The following ANKMY1 variants were observed in gnomAD, a reference collection of about 807,000 sequenced individuals.
ANKMY1 encodes the protein ankyrin repeat and MYND domain containing 1.
Under a neutral mutation model 102.0 loss-of-function variants are expected in ANKMY1, and 98 were observed. That is an observed-to-expected ratio of 0.96 (90% CI 0.82 to 1.14). The LOEUF is 1.14. Ranked by LOEUF, ANKMY1 falls within the 50% of genes most tolerant of loss-of-function variation. ANKMY1 has a pLI of 0.00. For missense variants in ANKMY1, 1,330 were observed against 1,347.6 expected, an observed-to-expected ratio of 0.99 and a Z score of 0.20; for synonymous variants, 582 against 559.9, an observed-to-expected ratio of 1.04 and a Z score of -0.56.
chr2:240,469,062 C>G, the ANKMY1 span, among the ~76,000 whole-genome samples: 13 of 152,178 alleles, frequency 8.5e-5, no homozygotes, highest in East Asian at 2.3e-3. Context: ...AGCGGGGCCC[C>G]TAGGGGACAG....
intron 4 of ANKMY1, among the ~76,000 whole-genome samples, chr2:240,546,673 A>G (rs1170731012): frequency 6.6e-6 from 1 of 152,200 alleles, no homozygotes; most frequent in African/African-American, 2.4e-5. Context: ...AAGATCTACC[A>G]AGCAAATGGA....
At chr2:240,539,406 C>T (rs142115000) in intron 4 of ANKMY1, among the ~76,000 whole-genome samples, 10 of 152,242 alleles carry the variant, frequency 6.6e-5, no homozygotes, top group Admixed American at 2.0e-4. Flanking sequence ...CTGAAGCCAG[C>T]GAGACCATGA....
chr2:240,514,566 G>A (rs994772939), intron 9 of ANKMY1, among the ~76,000 whole-genome samples: 1 of 152,210 alleles, frequency 6.6e-6, no homozygotes, highest in Admixed American at 6.5e-5. Context: ...ATTCAATCAA[G>A]AGGGTAACAT....
chr2:240,536,741 T>C (rs1304013672), intron 4 of ANKMY1, among the ~76,000 whole-genome samples: 1 of 152,238 alleles, frequency 6.6e-6, no homozygotes, highest in Non-Finnish European at 1.5e-5. Context: ...ACAAGAAGTC[T>C]TATAGAGGTG....
intron 9 of ANKMY1, among the ~76,000 whole-genome samples, chr2:240,513,974 T>G (rs1343395940): frequency 6.6e-6 from 1 of 152,126 alleles, no homozygotes; most frequent in African/African-American, 2.4e-5. Context: ...AGCAGGCAAG[T>G]GGAGAATGGG....
At chr2:240,479,354 G>A, downstream of ANKMY1, 1 of 558,498 alleles carries the variant, frequency 1.8e-6, no homozygotes. Context: ...CAAAGCCAGG[G>A]GCAGAGGCAG....
At chr2:240,503,732 C>A (rs2078604396) in intron 13 of ANKMY1, among the ~76,000 whole-genome samples, 1 of 152,294 alleles carries the variant, frequency 6.6e-6, no homozygotes, top group East Asian at 1.9e-4. Flanking sequence ...GTGGTGGGTT[C>A]ACCTGGGTCC....
intron 15 of ANKMY1, among the ~76,000 whole-genome samples, chr2:240,492,694 T>A (rs539704551): frequency 6.6e-6 from 1 of 152,034 alleles, no homozygotes; most frequent in African/African-American, 2.4e-5. Flanking sequence ...TTATTTTGAA[T>A]TTTTTTTTAA....
rs1337358015 is a variant in ANKMY1, at chr2:240,500,052, C to T, written c.2712G>A (p.Lys904=). The T allele has an allele frequency of 6.2e-7, 1 of 1,612,784 alleles. No homozygotes were observed. Among genetic ancestry groups the T allele is most frequent in the African/African-American group, 1.3e-5 (1 of 74,914 alleles). ...PAERETFLAR[K]RLLEYMGLQL... Reference sequence around the variant, plus strand: ...GCAAGCCCATGTACTCCAGGAGCCGCTTCCGCGCCAGGAACGTCTCGCGCT... The same window carrying T: ...GCAAGCCCATGTACTCCAGGAGCCGTTTCCGCGCCAGGAACGTCTCGCGCT... The change falls in exon 15 of 18, where the codon AAG becomes AAA. Residue 904 remains lysine, a synonymous_variant. Coordinates refer to ENST00000401804, the MANE Select transcript of ANKMY1 (RefSeq NM_001282771.3).
chr2:240,488,766 A>G (rs2076327820), intron 15 of ANKMY1, among the ~76,000 whole-genome samples: 1 of 152,184 alleles, frequency 6.6e-6, no homozygotes, highest in Non-Finnish European at 1.5e-5. Context: ...GGTCTTGGCT[A>G]AGTCATTATT....
At chr2:240,540,381 T>A (rs1364624264) in intron 4 of ANKMY1, among the ~76,000 whole-genome samples, 1 of 152,204 alleles carries the variant, frequency 6.6e-6, no homozygotes, top group African/African-American at 2.4e-5. Context: ...TAGACAGTTT[T>A]TAGGATAAAC....
chr2:240,543,166 G>T (rs183572944), intron 4 of ANKMY1, among the ~76,000 whole-genome samples: 1 of 151,716 alleles, frequency 6.6e-6, no homozygotes, highest in African/African-American at 2.4e-5. Context: ...TGGCTAACAC[G>T]GTGAAACCCC....
chr2:240,483,716 G>A (rs2075716452), intron 15 of ANKMY1, among the ~76,000 whole-genome samples: 1 of 152,158 alleles, frequency 6.6e-6, no homozygotes. Context: ...TTCAAGTTCT[G>A]GGGTACATTT....
Position 240,482,228 on chromosome 2 carries a change from T to C in ANKMY1, c.2840A>G (p.Lys947Arg), listed in dbSNP as rs1356677206. ...CAGGCCCCTGGGCAGGCTGGGGCCC[T>C]TCTTCTTCATCCTGTGGCTGGGGAT... ...ELIPSHRMKK[K>R]GPSLPRGLDV... Residue 947 changes from lysine to arginine, a missense_variant, in exon 16 of 18, where the codon AAG becomes AGG. Transcript: ENST00000401804. 1 of 1,612,518 alleles carries C rather than the reference T, an allele frequency of 6.2e-7. No individual in the cohort carries two copies. Among genetic ancestry groups the C allele is most frequent in the Non-Finnish European group, 8.5e-7 (1 of 1,179,188 alleles).
chr2:240,494,421 C>T (rs1378629940), intron 15 of ANKMY1, among the ~76,000 whole-genome samples: 5 of 152,180 alleles, frequency 3.3e-5, no homozygotes, highest in Admixed American at 3.3e-4. Flanking sequence ...ACTTACATCC[C>T]TGTCTCAGAT....
chr2:240,507,992 G>T (rs1205875406), intron 12 of ANKMY1, among the ~76,000 whole-genome samples: 1 of 152,236 alleles, frequency 6.6e-6, no homozygotes, highest in East Asian at 1.9e-4. Context: ...GGATTCTCCA[G>T]CGTGGTTCCC....
chr2:240,546,767 C>T (rs1025557630), intron 4 of ANKMY1, among the ~76,000 whole-genome samples: 52 of 152,216 alleles, frequency 3.4e-4, no homozygotes, highest in Non-Finnish European at 2.4e-4. Context: ...ACAAAGAAGG[C>T]CATTACATAA....
intron 3 of ANKMY1, 82 bp from the exon 4 acceptor site, chr2:240,553,139 G>C (rs543565633): frequency 2.2e-4 from 333 of 1,504,702 alleles, no homozygotes; most frequent in Non-Finnish European, 2.9e-4. Flanking sequence ...CACCATGCCT[G>C]GTTGGCAATG....
chr2:240,535,801 C>CTCCA (rs2086591150), intron 4 of ANKMY1, among the ~76,000 whole-genome samples: 1 of 152,114 alleles, frequency 6.6e-6, no homozygotes, highest in African/African-American at 2.4e-5. Context: ...TGCCACTGCA[C>CTCCA]TCCAGCCTGG....
Sources: allele counts gnomAD v4.1 joint callset (sites outside exome capture counted in the v4.1 genomes callset), GRCh38; gene constraint gnomAD v4.1.1; transcripts MANE v1.5; gene names NCBI Gene and HGNC (gene_info 2026-07-23, HGNC 2026-07-21).